Variants in KIF13A observed in about 807,000 individuals in gnomAD.
KIF13A encodes kinesin-like protein KIF13A.
KIF13A carries 79 observed loss-of-function variants against 212.2 expected under a neutral mutation model. That is an observed-to-expected ratio of 0.37 (90% confidence interval 0.31 to 0.45). The LOEUF is 0.45. Among genes scored for constraint, KIF13A ranks in the 20% least tolerant of loss-of-function variants. KIF13A has a pLI of 1.00. For missense variants in KIF13A, 1,901 were observed against 2,209.0 expected, an observed-to-expected ratio of 0.86 and a Z score of 2.79; for synonymous variants, 789 against 808.6, an observed-to-expected ratio of 0.98 and a Z score of 0.41.
intron 2 of KIF13A, among the ~76,000 whole-genome samples, chr6:17,916,739 T>C (rs1026309441): frequency 3.3e-5 from 5 of 152,038 alleles, no homozygotes; most frequent in Non-Finnish European, 7.4e-5. Flanking sequence ...AACAGGAAAA[T>C]ACAAATGAAT....
chr6:17,821,989 A>G, intron 16 of KIF13A: 5 of 1,440,230 alleles, frequency 3.5e-6, no homozygotes, highest in Non-Finnish European at 4.7e-6. Context: ...GTATGCCCCA[A>G]AGGGAAGCTC....
chr6:17,879,351 A>T (rs1377946896), intron 3 of KIF13A, among the ~76,000 whole-genome samples: 1 of 152,220 alleles, frequency 6.6e-6, no homozygotes, highest in African/African-American at 2.4e-5. Context: ...TTCAATTAAT[A>T]AACATATTAC....
intron 25 of KIF13A, among the ~76,000 whole-genome samples, chr6:17,794,000 T>G (rs555174698): frequency 4.1e-4 from 63 of 152,102 alleles, no homozygotes; most frequent in African/African-American, 1.4e-3. Context: ...GGGCCAGATA[T>G]AAAATAAAAT....
intron 25 of KIF13A, among the ~76,000 whole-genome samples, chr6:17,792,470 C>T (rs1373101731): frequency 1.3e-5 from 2 of 152,284 alleles, no homozygotes; most frequent in African/African-American, 4.8e-5. Flanking sequence ...TTTAGTAAAG[C>T]TCAACTAGAC....
At chr6:17,788,727 C>T (rs1339523194) in intron 26 of KIF13A, among the ~76,000 whole-genome samples, 1 of 152,040 alleles carries the variant, frequency 6.6e-6, no homozygotes, top group African/African-American at 2.4e-5. Flanking sequence ...AGTGTACCCA[C>T]ATTTTTTTTT....
intron 2 of KIF13A, among the ~76,000 whole-genome samples, chr6:17,940,432 A>G (rs1005437385): frequency 2.0e-5 from 3 of 152,216 alleles, no homozygotes; most frequent in African/African-American, 7.2e-5. Context: ...TTACTGTTTA[A>G]TTTTACATAT....
Position 17,855,286 on chromosome 6 carries a change from C to T in KIF13A, c.494+151G>A, listed in dbSNP as rs1768038911. ...GATAAACACTGGGTATACCAAAAGGCTTTGAGAAGCTGATGATTTTTCTGT... is the reference window on the plus strand; with the variant it reads ...GATAAACACTGGGTATACCAAAAGGTTTTGAGAAGCTGATGATTTTTCTGT... On this transcript the variant is annotated intron_variant, in intron 6 of 38. Transcript: ENST00000259711. The surrounding 1 kb of genome is among the most constrained non-coding windows in gnomAD (Gnocchi z 4.1). The T allele has an allele frequency of 1.6e-6, 1 of 612,120 alleles. No individual in the cohort carries two copies. The highest frequency in any genetic ancestry group is 2.9e-5 in the East Asian group (1 of 34,626). 37.9% of individuals were successfully genotyped at this position (612,120 alleles called of 1,614,324 possible).
At position 17,826,159 on chromosome 6, in the gene KIF13A, G is replaced by A; in HGVS notation, c.1533-35C>T. 2 of 1,536,572 alleles carry A rather than the reference G, an allele frequency of 1.3e-6. No individual in the cohort carries two copies. The highest frequency in any genetic ancestry group is 9.0e-7 in the Non-Finnish European group (1 of 1,110,648). ...CACGAGGGAAAATACCAGGTAAATG[G>A]GAAGGAGCACAAGACCTTGTCCTGG... On this transcript the variant is annotated intron_variant, in intron 14 of 38. Coordinates refer to ENST00000259711, the MANE Select transcript of KIF13A (RefSeq NM_022113.6). This position sits in a 1 kb window ranked among gnomAD's most constrained non-coding sequence, Gnocchi z 4.7.
Position 17,805,821 on chromosome 6 carries a change from A to T in KIF13A, c.2164-206T>A, listed in dbSNP as rs140289299. 7.4e-3 allele frequency among the ~76,000 whole-genome samples: 1,125 copies of T among 152,172 alleles called. 14 individuals carry two copies. The highest frequency in any genetic ancestry group is 0.024 in the African/African-American group (997 of 41,506). On this transcript the variant is annotated intron_variant, in intron 18 of 38. Transcript: ENST00000259711. The stretch of plus-strand genomic sequence containing the variant: ...TGCACACTTTTTAATTTTTATCACG[A>T]TCAAGACCAAACAAAAGTATAACTT...
chr6:17,934,465 T>A lies in KIF13A; in HGVS notation c.147-36285A>T, dbSNP rs994573712. ...GCAGGTAGTATTCTAAAATCATAAA[T>A]ACAGAATCCCCAATAATATCATAAT... On this transcript the variant is annotated intron_variant, in intron 2 of 38. Coordinates refer to ENST00000259711, the MANE Select transcript of KIF13A (RefSeq NM_022113.6). This position sits in a 1 kb window ranked among gnomAD's most constrained non-coding sequence, Gnocchi z 5.4. 6.6e-6 allele frequency among the ~76,000 whole-genome samples: 1 copy of A among 152,016 alleles called. No individual in the cohort carries two copies. Among genetic ancestry groups the A allele is most frequent in the Non-Finnish European group, 1.5e-5 (1 of 67,996 alleles).
At chr6:17,814,107 C>A (rs1476761411) in intron 17 of KIF13A, among the ~76,000 whole-genome samples, 1 of 151,798 alleles carries the variant, frequency 6.6e-6, no homozygotes, top group Non-Finnish European at 1.5e-5. Flanking sequence ...CGCCCGCCAC[C>A]ACGCCCGGCT....
At chr6:17,922,878 C>T (rs1031295757) in intron 2 of KIF13A, among the ~76,000 whole-genome samples, 5 of 151,964 alleles carry the variant, frequency 3.3e-5, no homozygotes, top group Non-Finnish European at 7.4e-5. Context: ...CTTGCCTCAG[C>T]CTCCCAAAGT....
intron 16 of KIF13A, among the ~76,000 whole-genome samples, chr6:17,819,074 A>C (rs1346089324): frequency 1.4e-5 from 2 of 141,040 alleles, no homozygotes; most frequent in Non-Finnish European, 3.0e-5. Context: ...ATCTCGGCTC[A>C]CTGCAAGCTC....
In KIF13A at chr6:17,787,852, C is replaced by T. The variant is rs1367642052; in HGVS notation, c.3285G>A (p.Arg1095=). The change falls in exon 27 of 39, where the codon AGG becomes AGA. Residue 1095 remains arginine, a synonymous_variant. Coordinates refer to ENST00000259711, the MANE Select transcript of KIF13A (RefSeq NM_022113.6). The surrounding 1 kb of genome is among the most constrained non-coding windows in gnomAD (Gnocchi z 4.6). ...SYQEEDLNCV[R]ERWSDALIKR... Reference sequence around the variant, plus strand: ...TAATGAGTGCATCTGACCACCTCTCCCTTACGCAGTTTAAGTCTTCTTCCT... The same window carrying T: ...TAATGAGTGCATCTGACCACCTCTCTCTTACGCAGTTTAAGTCTTCTTCCT... The T allele has an allele frequency of 1.2e-6, 2 of 1,611,654 alleles. No individual in the cohort carries two copies. Among genetic ancestry groups the T allele is most frequent in the African/African-American group, 2.7e-5 (2 of 74,870 alleles).
In KIF13A at chr6:17,888,126, G is replaced by C. The variant is rs1406223188; in HGVS notation, c.159+10042C>G. Among the ~76,000 whole-genome samples the C allele has an allele frequency of 6.6e-6, 1 of 152,108 alleles. No individual in the cohort carries two copies. Among genetic ancestry groups the C allele is most frequent in the Non-Finnish European group, 1.5e-5 (1 of 68,022 alleles). On this transcript the variant is annotated intron_variant, in intron 3 of 38. Transcript: ENST00000259711. This position sits in a 1 kb window ranked among gnomAD's most constrained non-coding sequence, Gnocchi z 4.8. ...TTCCTCAGAAGACACAAGACACAAA[G>C]TACTGAAGTAGTGAATGATGATGTT...
chr6:17,776,317 G>A lies in KIF13A; in HGVS notation c.4170+960C>T, dbSNP rs539769505. Among the ~76,000 whole-genome samples, 1 of 152,036 alleles carries A rather than the reference G, an allele frequency of 6.6e-6. No individual in the cohort carries two copies. On this transcript the variant is annotated intron_variant, in intron 34 of 38. Coordinates refer to ENST00000259711, the MANE Select transcript of KIF13A (RefSeq NM_022113.6). This position sits in a 1 kb window ranked among gnomAD's most constrained non-coding sequence, Gnocchi z 4.6. ...GTATTCTGCTTTATACAGAATTATA[G>A]GGAATTTAGGGCTAATAATTTCTAG...
At chr6:17,978,160 CCTCT>C (rs1780750460) in intron 2 of KIF13A, among the ~76,000 whole-genome samples, 1 of 152,192 alleles carries the variant, frequency 6.6e-6, no homozygotes, top group South Asian at 2.1e-4. Flanking sequence ...GGAGGATTCT[CCTCT>C]CTACTTTTCC....
Position 17,829,524 on chromosome 6 carries a change from C to T in KIF13A, c.1402-1154G>A, listed in dbSNP as rs1226937804. Among the ~76,000 whole-genome samples the T allele has an allele frequency of 5.3e-5, 8 of 152,158 alleles. No homozygotes were observed. The highest frequency in any genetic ancestry group is 2.9e-5 in the Non-Finnish European group (2 of 68,030). On this transcript the variant is annotated intron_variant, in intron 13 of 38. Coordinates refer to ENST00000259711, the MANE Select transcript of KIF13A (RefSeq NM_022113.6). The surrounding 1 kb of genome is among the most constrained non-coding windows in gnomAD (Gnocchi z 5.4). ...GATAGCGTCCAATACAGTAAACACA[C>T]TGCACCTGGCCTCATGTGATTTTAA...
chr6:17,963,164 T>G lies in KIF13A; in HGVS notation c.146+23890A>C, dbSNP rs1778990643. On this transcript the variant is annotated intron_variant, in intron 2 of 38. Coordinates refer to ENST00000259711, the MANE Select transcript of KIF13A (RefSeq NM_022113.6). This position sits in a 1 kb window ranked among gnomAD's most constrained non-coding sequence, Gnocchi z 4.1. ...TGGGTGCGGTGGCTCATGCCTGTAATCCCAGCACTTTGGGAGGCCGAGGTG... is the reference window on the plus strand; with the variant it reads ...TGGGTGCGGTGGCTCATGCCTGTAAGCCCAGCACTTTGGGAGGCCGAGGTG... 1.3e-5 allele frequency among the ~76,000 whole-genome samples: 2 copies of G among 152,212 alleles called. No homozygotes were observed. Among genetic ancestry groups the G allele is most frequent in the South Asian group, 4.1e-4 (2 of 4,834 alleles).
Sources: allele counts gnomAD v4.1 joint callset (sites outside exome capture counted in the v4.1 genomes callset), GRCh38; gene constraint gnomAD v4.1.1; non-coding constraint Gnocchi (gnomAD v3.1); transcripts MANE v1.5; gene names NCBI Gene and HGNC (gene_info 2026-07-23, HGNC 2026-07-21).